HEATR5A: variants seen among roughly 807,000 people sequenced by gnomAD.
HEATR5A encodes HEAT repeat containing 5A, also known as HEAT repeat-containing protein 5A.
Under a neutral mutation model 218.8 loss-of-function variants are expected in HEATR5A, and 178 were observed. That is an observed-to-expected ratio of 0.81 (90% confidence interval 0.72 to 0.92). HEATR5A has a LOEUF of 0.92. Ranked by LOEUF, HEATR5A falls within the 40% of genes least tolerant of loss-of-function variation. The probability of loss-of-function intolerance (pLI) is 0.00; values close to 1 mark genes in which losing one functional copy is unlikely to be tolerated. For synonymous variants in HEATR5A, 864 were observed against 871.6 expected, an observed-to-expected ratio of 0.99 and a Z score of 0.15; for missense variants, 2,420 against 2,418.9, an observed-to-expected ratio of 1.00 and a Z score of -0.01.
rs930323423 is a variant in HEATR5A, at chr14:31,387,305, T to C, written c.1004A>G (p.His335Arg). ...TGACGGTGACGCAAGGCTTAGGATA[T>C]GAGAAAAAAAGGCAGCAAAATTTTT... ...LEKNFAAFFS[H>R]ILSLASPSHP... The change falls in exon 8 of 36, where the codon CAT becomes CGT. Residue 335 changes from histidine to arginine, a missense_variant. Transcript: ENST00000543095. The C allele has an allele frequency of 1.2e-6, 2 of 1,613,908 alleles. No individual in the cohort carries two copies. Among genetic ancestry groups the C allele is most frequent in the Non-Finnish European group, 8.5e-7 (1 of 1,179,848 alleles).
intron 14 of HEATR5A, among the ~76,000 whole-genome samples, chr14:31,363,123 C>T (rs775692539): frequency 1.3e-5 from 2 of 151,828 alleles, no homozygotes; most frequent in Non-Finnish European, 2.9e-5. Context: ...CCTGTAGTTC[C>T]AGCTACTCCG....
At chr14:31,335,974 T>A (rs1335958557) in intron 22 of HEATR5A, among the ~76,000 whole-genome samples, 36 of 376 alleles carry the variant, frequency 0.096, no homozygotes, top group Admixed American at 0.36. Flanking sequence ...GATAATTACC[T>A]TTTTTTTTTT....
At chr14:31,413,532 AAGAGAAC>A (rs2031354091) in intron 1 of HEATR5A, among the ~76,000 whole-genome samples, 1 of 152,030 alleles carries the variant, frequency 6.6e-6, no homozygotes, top group African/African-American at 2.4e-5. Context: ...CAGATTACAA[AAGAGAAC>A]ACCCCGGAAG....
chr14:31,416,620 G>GA (rs936154136), intron 1 of HEATR5A, among the ~76,000 whole-genome samples: 5 of 149,218 alleles, frequency 3.4e-5, no homozygotes, highest in African/African-American at 9.9e-5. Flanking sequence ...AAAAAAAAAA[G>GA]AAAAAAAAGC....
intron 1 of HEATR5A, among the ~76,000 whole-genome samples, chr14:31,407,114 A>AC (rs1338719592): frequency 1.3e-5 from 2 of 150,386 alleles, no homozygotes; most frequent in South Asian, 4.2e-4. Flanking sequence ...ACATAATGAG[A>AC]CCCCCATCTC....
chr14:31,365,109 G>A (rs371244263), intron 13 of HEATR5A, among the ~76,000 whole-genome samples: 9 of 151,968 alleles, frequency 5.9e-5, no homozygotes, highest in South Asian at 2.1e-4. Context: ...TCCTGACCTC[G>A]TGATCCACCC....
intron 28 of HEATR5A, among the ~76,000 whole-genome samples, chr14:31,311,987 G>A (rs78715943): frequency 9.8e-4 from 150 of 152,300 alleles, no homozygotes; most frequent in Middle Eastern, 3.4e-3. Flanking sequence ...GGAGGGGGAC[G>A]TGAGGTCCAG....
At chr14:31,397,507 A>T (rs1174948416) in intron 4 of HEATR5A, among the ~76,000 whole-genome samples, 1 of 151,970 alleles carries the variant, frequency 6.6e-6, no homozygotes, top group Non-Finnish European at 1.5e-5. Context: ...AAAATACAAA[A>T]AATTAGCTAG....
rs2030087893 is a variant in HEATR5A at position 31,383,671 on chromosome 14, G to A, written c.1446C>T (p.Ser482=). Residue 482 remains serine (S), a synonymous_variant, in exon 10 of 36, where the codon TCC becomes TCT. Coordinates refer to ENST00000543095, the MANE Select transcript of HEATR5A (RefSeq NM_015473.4). ...AACGATCCAAGAGTGGTGTTAGGTA[G>A]GAGGGTAATGCCACGGCAATGCAGT... ...CLHCIAVALP[S]YLTPLLDRCL... The A allele has an allele frequency of 3.7e-6, 6 of 1,613,816 alleles. No individual in the cohort carries two copies. In the South Asian group the frequency reaches 6.6e-5, roughly 18 times the overall value.
chr14:31,332,746 G>A (rs144076896), intron 22 of HEATR5A, among the ~76,000 whole-genome samples: 156 of 152,264 alleles, frequency 1.0e-3, no homozygotes, highest in Middle Eastern at 3.4e-3. Flanking sequence ...AGCACTTTGA[G>A]AGACCGAGGT....
intron 1 of HEATR5A, among the ~76,000 whole-genome samples, chr14:31,417,588 AAAG>A (rs1451154725): frequency 6.6e-6 from 1 of 151,858 alleles, no homozygotes; most frequent in African/African-American, 2.4e-5. Flanking sequence ...TGTCTCAAAA[AAAG>A]AAAAAAAAAT....
rs1310502524 is a variant in HEATR5A at position 31,302,483 on chromosome 14, G to T, written c.5276C>A (p.Thr1759Lys). 6 of 1,588,498 alleles carry T rather than the reference G, an allele frequency of 3.8e-6. No individual in the cohort carries two copies. The highest frequency in any genetic ancestry group is 5.1e-6 in the Non-Finnish European group (6 of 1,166,266). The change falls in exon 33 of 36, where the codon ACA becomes AAA. Residue 1759 changes from threonine (T) to lysine (K), a missense_variant. Coordinates refer to ENST00000543095, the MANE Select transcript of HEATR5A (RefSeq NM_015473.4). ...AGCAGTCTCTCTGAGGACCCCGATT[G>T]TGAGGTACAATATAGTAGGGAGAAT... ...ISILPTILYL[T>K]IGVLRETAVK...
chr14:31,293,653 G>A, intron 35 of HEATR5A, 41 bp from the exon 36 acceptor site: 1 of 1,523,314 alleles, frequency 6.6e-7, no homozygotes, highest in Non-Finnish European at 8.8e-7. Context: ...TGACATAAAT[G>A]TTTCTAACAA....
At chr14:31,367,443 A>G (rs893985986) in intron 13 of HEATR5A, among the ~76,000 whole-genome samples, 4 of 151,896 alleles carry the variant, frequency 2.6e-5, no homozygotes, top group Non-Finnish European at 5.9e-5. Context: ...TCTGTTACCC[A>G]GGCTGGAGTG....
Position 31,318,290 on chromosome 14 carries a change from T to C in HEATR5A, c.3972A>G (p.Val1324=). ...HVILEQYQAN[V]GAALRPAFTS... ...TGAAGGCTGGTCTAAGCGCTGCTCC[T>C]ACCTGGCAAGAAATTACATGACATA... is the stretch of plus-strand genomic sequence containing the variant. Residue 1324 remains valine, a splice_region_variant and synonymous_variant, in exon 26 of 36, where the codon GTA becomes GTG. Coordinates refer to ENST00000543095, the MANE Select transcript of HEATR5A (RefSeq NM_015473.4). The C allele has an allele frequency of 6.2e-7, 1 of 1,613,272 alleles. No individual in the cohort carries two copies. Among genetic ancestry groups the C allele is most frequent in the Admixed American group, 1.7e-5 (1 of 60,024 alleles).
chr14:31,391,280 G>A (rs2030443306), intron 6 of HEATR5A, among the ~76,000 whole-genome samples: 1 of 152,056 alleles, frequency 6.6e-6, no homozygotes, highest in Non-Finnish European at 1.5e-5. Context: ...GGAACTACAG[G>A]CACATGCCAC....
chr14:31,302,301 C>G lies in HEATR5A; in HGVS notation c.5458G>C (p.Asp1820His). Residue 1820 changes from aspartate to histidine, a missense_variant, in exon 33 of 36, where the codon GAT (aspartate) becomes CAT (histidine). Coordinates refer to ENST00000543095, the MANE Select transcript of HEATR5A (RefSeq NM_015473.4). ...TCCAAATAGCCTCAATTACCTGGAT[C>G]CCAACAGTCAAGAATTGTTGTTAAG... is the stretch of plus-strand genomic sequence containing the variant. ...SALTTILDCW[D>H]PVDETHQELD... The G allele has an allele frequency of 6.3e-7, 1 of 1,587,944 alleles. No homozygotes were observed. The highest frequency in any genetic ancestry group is 1.1e-5 in the South Asian group (1 of 87,278).
chr14:31,293,951 T>C lies in HEATR5A; in HGVS notation c.5773A>G (p.Ile1925Val), dbSNP rs781401946. 3.1e-6 allele frequency: 5 copies of C among 1,608,304 alleles called. No homozygotes were observed. The African/African-American group carries it at 6.7e-5, about 21-fold the overall frequency. ...RKPENTAELE[I>V]FQEGIKVLET... ...AAGACCTTTATGCCTTCTTGGAAGA[T>C]CTCAAGCTCAGCAGTGTTTTCAGGT... The change falls in exon 35 of 36, where the codon ATC becomes GTC. Residue 1925 changes from isoleucine (I) to valine (V), a missense_variant. Physicochemically the swap from Ile to Val is conservative, Grantham distance 29. Coordinates refer to ENST00000543095, the MANE Select transcript of HEATR5A (RefSeq NM_015473.4).
At chr14:31,317,787 G>C (rs1342043438) in intron 26 of HEATR5A, among the ~76,000 whole-genome samples, 1 of 152,140 alleles carries the variant, frequency 6.6e-6, no homozygotes, top group Non-Finnish European at 1.5e-5. Flanking sequence ...TCACAATGTT[G>C]CTGGGACTGT....
Sources: allele counts gnomAD v4.1 joint callset (sites outside exome capture counted in the v4.1 genomes callset), GRCh38; gene constraint gnomAD v4.1.1; transcripts MANE v1.5; gene names NCBI Gene and HGNC (gene_info 2026-07-23, HGNC 2026-07-21).